The following UBAC1 variants were observed in gnomAD, a reference collection of about 807,000 sequenced individuals.
UBAC1 encodes the protein ubiquitin-associated domain-containing protein 1.
A neutral mutation model predicts 45.9 loss-of-function variants in UBAC1; 27 were observed. The ratio of observed to expected loss-of-function variants is 0.59; its 90% CI spans 0.43 to 0.81. The LOEUF is 0.81. Among genes scored for constraint, UBAC1 ranks in the 30% least tolerant of loss-of-function variants. UBAC1 has a pLI of 0.00. For missense variants in UBAC1, 529 were observed against 539.2 expected (o/e 0.98, Z 0.19); for synonymous variants, 227 against 215.5 (o/e 1.05, Z -0.47).
Position 135,945,910 on chromosome 9 carries a change from G to T in UBAC1, c.632C>A (p.Thr211Asn). The T allele has an allele frequency of 6.2e-7, 1 of 1,614,064 alleles. No homozygotes were observed. The highest frequency in any genetic ancestry group is 8.5e-7 in the Non-Finnish European group (1 of 1,180,024). Reference sequence around the variant, plus strand: ...GCACTGGTTCAGCTGAAGGGCCTTGGTGGCTCTGTTCTCCGGAAAGCCCAT... The same window carrying T: ...GCACTGGTTCAGCTGAAGGGCCTTGTTGGCTCTGTTCTCCGGAAAGCCCAT... The part of the protein sequence containing the change: ...TEMGFPENRA[T>N]KALQLNHMSV... Residue 211 changes from threonine (T) to asparagine (N), a missense_variant, in exon 6 of 10, where the codon ACC becomes AAC. Coordinates refer to ENST00000371756, the MANE Select transcript of UBAC1 (RefSeq NM_016172.3).
intron 7 of UBAC1, chr9:135,942,121 C>G (rs1034936173): frequency 6.6e-6 from 1 of 152,192 alleles, no homozygotes; most frequent in Non-Finnish European, 1.5e-5. Context: ...CCATATTTAA[C>G]AAAAAGGCTT....
At chr9:135,938,773 T>C (rs1160544363) in intron 8 of UBAC1, among the ~76,000 whole-genome samples, 1 of 127,110 alleles carries the variant, frequency 7.9e-6, no homozygotes, top group African/African-American at 2.9e-5. Context: ...ATCTCTGTCT[T>C]GGAGGTGTGA....
intron 9 of UBAC1, among the ~76,000 whole-genome samples, chr9:135,935,958 G>C (rs1035824066): frequency 6.6e-6 from 1 of 151,144 alleles, no homozygotes; most frequent in East Asian, 2.0e-4. Context: ...CCCGGTAGGC[G>C]GAGCTTGCAG....
intron 9 of UBAC1, among the ~76,000 whole-genome samples, chr9:135,934,974 A>T (rs2131078674): frequency 6.6e-6 from 1 of 152,254 alleles, no homozygotes; most frequent in African/African-American, 2.4e-5. Context: ...TTGAACTCCC[A>T]GACTCAATGA....
Position 135,955,288 on chromosome 9 carries a change from G to T in UBAC1, c.259+7C>A. ...GCTGCCAACCCGCCCGCCCACAGCA[G>T]CCTTACCTTGGTCCTGGATGTTCTC... On this transcript the variant is annotated splice_region_variant and intron_variant, in intron 2 of 9. Coordinates refer to ENST00000371756, the MANE Select transcript of UBAC1 (RefSeq NM_016172.3). 1 of 1,566,714 alleles carries T rather than the reference G, an allele frequency of 6.4e-7. No individual in the cohort carries two copies. Among genetic ancestry groups the T allele is most frequent in the Non-Finnish European group, 8.6e-7 (1 of 1,161,052 alleles).
chr9:135,953,792 C>T (rs745891693), intron 2 of UBAC1, 39 bp from the exon 3 acceptor site: 9 of 1,574,232 alleles, frequency 5.7e-6, no homozygotes, highest in Non-Finnish European at 5.2e-6. Context: ...CACTGGTTAT[C>T]ACTTCATATC....
chr9:135,945,149 G>A lies in UBAC1; in HGVS notation c.755C>T (p.Ala252Val). 3.1e-6 allele frequency: 5 copies of A among 1,613,750 alleles called. No individual in the cohort carries two copies. Among genetic ancestry groups the A allele is most frequent in the Non-Finnish European group, 4.2e-6 (5 of 1,179,942 alleles). Residue 252 changes from alanine to valine, a missense_variant, in exon 7 of 10, where the codon GCC becomes GTC. Coordinates refer to ENST00000371756, the MANE Select transcript of UBAC1 (RefSeq NM_016172.3). ...PGQAPPEAEG[A>V]TAAASEAAAG... ...GGCAGCCTCGGAGGCAGCTGCTGTG[G>A]CCCCCTCGGCCTCTGGGGGAGCTTG... is the stretch of plus-strand genomic sequence containing the variant.
At chr9:135,945,794 G>A in intron 6 of UBAC1, 95 bp downstream of exon 6, 1 of 916,452 alleles carries the variant, frequency 1.1e-6, no homozygotes, top group East Asian at 2.6e-5. Context: ...TTCAGTCAAA[G>A]AGTTTAGGGT....
chr9:135,937,313 C>T (rs902190478), intron 9 of UBAC1, among the ~76,000 whole-genome samples: 4 of 151,906 alleles, frequency 2.6e-5, no homozygotes, highest in Non-Finnish European at 4.4e-5. Flanking sequence ...TGGTAGTGCA[C>T]GCCTGTAATC....
intron 1 of UBAC1, among the ~76,000 whole-genome samples, chr9:135,959,711 A>C (rs535473522): frequency 5.8e-4 from 88 of 152,186 alleles, no homozygotes; most frequent in African/African-American, 2.0e-3. Flanking sequence ...TAGACAAGCA[A>C]CACCACCTGG....
At chr9:135,957,789 T>G (rs1426447468) in intron 1 of UBAC1, among the ~76,000 whole-genome samples, 6 of 151,508 alleles carry the variant, frequency 4.0e-5, no homozygotes, top group Non-Finnish European at 7.4e-5. Context: ...TTTTTTTTTT[T>G]TTAAAGACAG....
At chr9:135,960,385 T>C (rs1301905517) in intron 1 of UBAC1, among the ~76,000 whole-genome samples, 1 of 152,140 alleles carries the variant, frequency 6.6e-6, no homozygotes, top group Admixed American at 6.5e-5. Context: ...TCTTGACCAA[T>C]TTTACCTCTG....
intron 5 of UBAC1, 134 bp downstream of exon 5, chr9:135,946,135 G>T: frequency 9.7e-7 from 1 of 1,026,452 alleles, no homozygotes; most frequent in Non-Finnish European, 1.5e-6. Flanking sequence ...TGCCGGTGAG[G>T]CAGGCCCCAG....
chr9:135,935,015 G>A (rs369625764), intron 9 of UBAC1, among the ~76,000 whole-genome samples: 1 of 152,118 alleles, frequency 6.6e-6, no homozygotes, highest in Non-Finnish European at 1.5e-5. Flanking sequence ...GAGTAGCAGG[G>A]ACTACAGGTA....
At chr9:135,942,110 T>A (rs1317816405) in intron 7 of UBAC1, 1 of 152,174 alleles carries the variant, frequency 6.6e-6, no homozygotes, top group African/African-American at 2.4e-5. Flanking sequence ...AGAATGAGCA[T>A]CCATATTTAA....
chr9:135,939,138 G>A (rs574088504), intron 8 of UBAC1, among the ~76,000 whole-genome samples: 63 of 151,726 alleles, frequency 4.2e-4, no homozygotes, highest in African/African-American at 1.4e-3. Context: ...GGAGGTCGAG[G>A]CTGCAGTGAG....
In UBAC1 at chr9:135,950,799, T is replaced by C. The variant is rs115984036; in HGVS notation, c.333+2881A>G. Reference sequence around the variant, plus strand: ...AGAGAATTGTTAAAAATAACAAGAGTTATGAGTGGTTGGGCCGGGCATGGT... The same window carrying C: ...AGAGAATTGTTAAAAATAACAAGAGCTATGAGTGGTTGGGCCGGGCATGGT... On this transcript the variant is annotated intron_variant, in intron 3 of 9. Coordinates refer to ENST00000371756, the MANE Select transcript of UBAC1 (RefSeq NM_016172.3). Among the ~76,000 whole-genome samples, 1,177 of 152,052 alleles carry C rather than the reference T, an allele frequency of 7.7e-3. 9 individuals are homozygous for C. Among genetic ancestry groups the C allele is most frequent in the African/African-American group, 0.027 (1,106 of 41,476 alleles).
At position 135,938,375 on chromosome 9, in the gene UBAC1, G is replaced by C; in HGVS notation, c.964-15C>G. On this transcript the variant is annotated splice_polypyrimidine_tract_variant and intron_variant, in intron 8 of 9. Coordinates refer to ENST00000371756, the MANE Select transcript of UBAC1 (RefSeq NM_016172.3). ...AGCCACTCGCACTGCAAAGCCAAGA[G>C]CACCAATACCACTGTTAGCGCCTTC... 2 of 1,611,898 alleles carry C rather than the reference G, an allele frequency of 1.2e-6. No homozygotes were observed. Among genetic ancestry groups the C allele is most frequent in the Non-Finnish European group, 1.7e-6 (2 of 1,179,596 alleles).
At chr9:135,950,837 T>C (rs1257260728) in intron 3 of UBAC1, among the ~76,000 whole-genome samples, 2 of 152,202 alleles carry the variant, frequency 1.3e-5, no homozygotes, top group Admixed American at 1.3e-4. Context: ...TTCACGCCTG[T>C]AATCCCAACA....
Sources: gnomAD v4.1 joint callset for allele counts (sites outside exome capture counted in the v4.1 genomes callset) on GRCh38, gnomAD v4.1.1 for gene constraint, MANE v1.5 for transcripts, NCBI Gene and HGNC (gene_info 2026-07-23, HGNC 2026-07-21) for gene names.